The following ACAD10 variants were observed in gnomAD, a reference collection of about 807,000 sequenced individuals.
ACAD10 encodes the protein ACAD-10.
A neutral mutation model predicts 116.8 loss-of-function variants in ACAD10; 112 were observed. The observed-to-expected ratio is 0.96, with a 90% CI of 0.82 to 1.12. The LOEUF (loss-of-function observed/expected upper bound fraction) is 1.12, where lower values mean the gene tolerates loss of function less well. Ranked by LOEUF, ACAD10 falls within the 50% of genes most tolerant of loss-of-function variation. ACAD10 has a pLI of 0.00. For synonymous variants in ACAD10, 486 were observed against 510.6 expected (o/e 0.95, Z 0.65); for missense variants, 1,259 against 1,350.2 (o/e 0.93, Z 1.06).
intron 20 of ACAD10, 48 bp from the exon 21 acceptor site, chr12:111,756,285 A>C: frequency 6.5e-7 from 1 of 1,528,354 alleles, no homozygotes; most frequent in Non-Finnish European, 8.7e-7. Flanking sequence ...GGGCTCTCGG[A>C]GACAAGGGCT....
In ACAD10 at chr12:111,692,789, GGCACCAGGGGTC is replaced by G. The variant is rs1888090383; in HGVS notation, c.81_92del (p.Arg27_Gly30del). 1.9e-6 allele frequency: 3 copies of G among 1,614,246 alleles called. No individual in the cohort carries two copies. The highest frequency in any genetic ancestry group is 4.5e-5 in the East Asian group (2 of 44,892). On this transcript the variant is annotated inframe_deletion, in exon 2 of 21. Coordinates refer to ENST00000313698, the MANE Select transcript of ACAD10 (RefSeq NM_025247.6). The stretch of plus-strand genomic sequence containing the variant: ...GCCTTCCTGAAACACACCCAGCGCA[GGCACCAGGGGTC>G]CCACCGATGGACACACCTTGGAGGC...
intron 20 of ACAD10, 130 bp from the exon 21 acceptor site, chr12:111,756,203 A>G: frequency 6.9e-7 from 1 of 1,440,406 alleles, no homozygotes; most frequent in Non-Finnish European, 9.1e-7. Context: ...TAGTGATTGT[A>G]TCACATAGGT....
rs1338584103 is a variant in ACAD10 at position 111,723,414 on chromosome 12, G to C, written c.1061+1675G>C. 1.6e-3 allele frequency among the ~76,000 whole-genome samples: 219 copies of C among 134,158 alleles called. 1 individual carries two copies. The highest frequency in any genetic ancestry group is 9.9e-3 in the Middle Eastern group (2 of 202). 88.0% of individuals were successfully genotyped at this position (134,158 alleles called of 152,430 possible). A position where few individuals can be genotyped will look rare whatever the true frequency, so the allele number is the denominator to read the frequency against. On this transcript the variant is annotated intron_variant, in intron 8 of 20. Coordinates refer to ENST00000313698, the MANE Select transcript of ACAD10 (RefSeq NM_025247.6). ...CCCGGACGGGGCGGCTGGCCGGGCG[G>C]GGGGCTGACCCCCCCGCCTCCCTCC...
At chr12:111,732,875 ACAG>A (rs1889431116) in intron 10 of ACAD10, among the ~76,000 whole-genome samples, 1 of 152,228 alleles carries the variant, frequency 6.6e-6, no homozygotes, top group Non-Finnish European at 1.5e-5. Context: ...GTCAACAACG[ACAG>A]CAGTCATTTT....
intron 8 of ACAD10, among the ~76,000 whole-genome samples, chr12:111,726,449 T>A (rs1341677136): frequency 2.6e-5 from 4 of 152,178 alleles, no homozygotes. Flanking sequence ...CCAGAGACCA[T>A]GTCAGGCACT....
Position 111,702,284 on chromosome 12 carries a change from G to A in ACAD10, c.310G>A (p.Glu104Lys), listed in dbSNP as rs370649887. 1.2e-6 allele frequency: 2 copies of A among 1,614,000 alleles called. No homozygotes were observed. Among genetic ancestry groups the A allele is most frequent in the African/African-American group, 2.7e-5 (2 of 74,918 alleles). ...AEITAEGFLR[E>K]FGRLCSEMLK... ...AATAACAGCAGAGGGTTTTTTACGA[G>A]AATTTGGGAGACTTTGCTCTGAAAT... Residue 104 changes from glutamate (E) to lysine (K), a missense_variant, in exon 3 of 21, where the codon GAA becomes AAA. Glu to Lys is a moderately conservative substitution (Grantham distance 56). Coordinates refer to ENST00000313698, the MANE Select transcript of ACAD10 (RefSeq NM_025247.6).
intron 12 of ACAD10, among the ~76,000 whole-genome samples, chr12:111,741,110 T>C (rs1226499955): frequency 6.6e-6 from 1 of 152,206 alleles, no homozygotes; most frequent in East Asian, 1.9e-4. Context: ...GAAAAACCAG[T>C]ACCCAGAGAA....
At chr12:111,705,356 G>A (rs1888468200) in intron 3 of ACAD10, among the ~76,000 whole-genome samples, 2 of 152,052 alleles carry the variant, frequency 1.3e-5, no homozygotes, top group Non-Finnish European at 2.9e-5. Flanking sequence ...CTCCTGAGTA[G>A]CTGGGACCAC....
rs1169474097 is a variant in ACAD10 at position 111,736,852 on chromosome 12, C to T, written c.1562C>T (p.Thr521Ile). The change falls in exon 12 of 21, where the codon ACA (threonine) becomes ATA (isoleucine). Residue 521 changes from threonine (T) to isoleucine (I), a missense_variant. Physicochemically the swap from Thr to Ile is moderately conservative, Grantham distance 89 (BLOSUM62 -1). Coordinates refer to ENST00000313698, the MANE Select transcript of ACAD10 (RefSeq NM_025247.6). ...GCAGGTATTAATGACTGTGACTTGA[C>T]ACAGCTGGGAATCCCTGCTGCAGAG... ...VLRGINDCDLTQLGIPAAEEY... is the reference protein window; with the variant it reads ...VLRGINDCDLIQLGIPAAEEY... 2.5e-6 allele frequency: 4 copies of T among 1,613,602 alleles called. No individual in the cohort carries two copies. Among genetic ancestry groups the T allele is most frequent in the African/African-American group, 2.7e-5 (2 of 74,920 alleles).
intron 9 of ACAD10, 31 bp from the exon 10 acceptor site, chr12:111,729,775 G>C (rs760221233): frequency 5.0e-6 from 8 of 1,597,058 alleles, no homozygotes; most frequent in Non-Finnish European, 6.0e-6. Flanking sequence ...TGCTGAAATT[G>C]CACACCAAGT....
chr12:111,743,749 T>C (rs1889813467), intron 12 of ACAD10, among the ~76,000 whole-genome samples: 1 of 152,196 alleles, frequency 6.6e-6, no homozygotes, highest in African/African-American at 2.4e-5. Flanking sequence ...TTTTTATTTT[T>C]ATTTATTTAT....
At chr12:111,740,253 C>G (rs1340409050) in intron 12 of ACAD10, among the ~76,000 whole-genome samples, 1 of 152,082 alleles carries the variant, frequency 6.6e-6, no homozygotes, top group Non-Finnish European at 1.5e-5. Flanking sequence ...CACCTGAGGT[C>G]GGGAGTTTGA....
Position 111,736,980 on chromosome 12 carries a change from G to T in ACAD10, c.1690G>T (p.Gly564Ter). 3 of 1,613,764 alleles carry T rather than the reference G, an allele frequency of 1.9e-6. No homozygotes were observed. The highest frequency in any genetic ancestry group is 2.5e-6 in the Non-Finnish European group (3 of 1,179,870). ...TTTCCGTGTGGCTGCAATCCTACAG[G>T]GAGTCTACAAGCGATCACTCACAGG... Reference protein sequence around the residue: ...SFFRVAAILQGVYKRSLTGQA... With the variant: ...SFFRVAAILQ Residue 564 changes from glycine (G) to a stop codon, truncating the protein, a stop_gained, in exon 12 of 21, where the codon GGA becomes TGA. Coordinates refer to ENST00000313698, the MANE Select transcript of ACAD10 (RefSeq NM_025247.6). LOFTEE classifies it high-confidence loss of function.
intron 7 of ACAD10, among the ~76,000 whole-genome samples, chr12:111,719,636 T>G (rs1002601620): frequency 4.6e-5 from 7 of 152,090 alleles, no homozygotes; most frequent in Admixed American, 6.5e-5. Flanking sequence ...CATTGCAACC[T>G]CCGCCTCCTG....
At chr12:111,738,424 C>T (rs1189303836) in intron 12 of ACAD10, among the ~76,000 whole-genome samples, 3 of 130,938 alleles carry the variant, frequency 2.3e-5, no homozygotes, top group Admixed American at 1.7e-4. Context: ...CCAGCCTGGG[C>T]GACAAGAATG....
rs148584725 is a variant in ACAD10 at position 111,754,672 on chromosome 12, T to C, written c.2961+757T>C. Among the ~76,000 whole-genome samples, 43 of 152,282 alleles carry C rather than the reference T, an allele frequency of 2.8e-4. 1 individual carries two copies. The East Asian group carries it at 5.8e-3, about 21-fold the overall frequency. On this transcript the variant is annotated intron_variant, in intron 19 of 20. Transcript: ENST00000313698. Reference sequence around the variant, plus strand: ...TTCTTTGACGCTGGCGTGCTAGATATGGTGGAGGCTGCTGGGTGTCTCCCT... The same window carrying C: ...TTCTTTGACGCTGGCGTGCTAGATACGGTGGAGGCTGCTGGGTGTCTCCCT...
chr12:111,710,251 C>A (rs1394170383), intron 5 of ACAD10: 7 of 452,720 alleles, frequency 1.5e-5, no homozygotes, highest in African/African-American at 8.0e-5. Context: ...CCACACCCGA[C>A]TAATTTTTGT....
rs561466694 is a variant in ACAD10, at chr12:111,694,300, C to G, written c.187+1404C>G. ...TCTGTTCCTTCACTCGTATCTCTGT[C>G]ATGTTTACCTCAGGGGCTGTTCCAG... On this transcript the variant is annotated intron_variant, in intron 2 of 20. Coordinates refer to ENST00000313698, the MANE Select transcript of ACAD10 (RefSeq NM_025247.6). Among the ~76,000 whole-genome samples the G allele has an allele frequency of 3.9e-5, 6 of 152,300 alleles. No homozygotes were observed. The South Asian group carries it at 1.2e-3, about 32-fold the overall frequency.
At chr12:111,694,180 G>A (rs377609418) in intron 2 of ACAD10, among the ~76,000 whole-genome samples, 2 of 152,182 alleles carry the variant, frequency 1.3e-5, no homozygotes, top group African/African-American at 4.8e-5. Context: ...TTACTCAGCC[G>A]TGCTAACTGG....
Sources: allele counts gnomAD v4.1 joint callset (sites outside exome capture counted in the v4.1 genomes callset), GRCh38; gene constraint gnomAD v4.1.1; transcripts MANE v1.5; gene names NCBI Gene and HGNC (gene_info 2026-07-23, HGNC 2026-07-21).